Variants in USP6NL observed in about 807,000 individuals in gnomAD.
The protein encoded by USP6NL is USP6 N-terminal-like protein.
A neutral mutation model predicts 61.9 loss-of-function variants in USP6NL; 26 were observed. That is an observed-to-expected ratio of 0.42 (90% CI 0.31 to 0.58). The LOEUF is 0.58. Ranked by LOEUF, USP6NL falls within the 20% of genes least tolerant of loss-of-function variation. The probability of loss-of-function intolerance (pLI) is 0.16; values close to 1 mark genes in which losing one functional copy is unlikely to be tolerated. For synonymous variants in USP6NL, 432 were observed against 390.1 expected (o/e 1.11, Z -1.27); for missense variants, 1,114 against 1,034.3 (o/e 1.08, Z -1.06).
At chr10:11,515,139 C>A (rs759234226) in intron 5 of USP6NL, among the ~76,000 whole-genome samples, 1 of 152,182 alleles carries the variant, frequency 6.6e-6, no homozygotes, top group African/African-American at 2.4e-5. Context: ...TCTGAGACTA[C>A]GTTTTCAACC....
rs146581006 is a variant in USP6NL at position 11,499,514 on chromosome 10, G to T, written c.384+1587C>A. 2.0e-5 allele frequency among the ~76,000 whole-genome samples: 3 copies of T among 152,262 alleles called. No individual in the cohort carries two copies. The highest frequency in any genetic ancestry group is 4.4e-5 in the Non-Finnish European group (3 of 68,014). Reference sequence around the variant, plus strand: ...TGACTGTGACCTCATCTGGAAATGGGGCCTCTGCCGGGGTAATCAAGTTAG... The same window carrying T: ...TGACTGTGACCTCATCTGGAAATGGTGCCTCTGCCGGGGTAATCAAGTTAG... On this transcript the variant is annotated intron_variant, in intron 7 of 14. Transcript: ENST00000609104. This position sits in a 1 kb window ranked among gnomAD's most constrained non-coding sequence, Gnocchi z 4.5.
At chr10:11,492,294 G>A (rs1368314531) in intron 8 of USP6NL, among the ~76,000 whole-genome samples, 1 of 152,190 alleles carries the variant, frequency 6.6e-6, no homozygotes, top group African/African-American at 2.4e-5. Flanking sequence ...GTGTCAACTT[G>A]GCTAAACAAC....
rs189655057 is a variant in USP6NL, at chr10:11,574,101, T to C, written c.4+23530A>G. On this transcript the variant is annotated intron_variant, in intron 2 of 14. Coordinates refer to ENST00000609104, the MANE Select transcript of USP6NL (RefSeq NM_014688.5). The surrounding 1 kb of genome is among the most constrained non-coding windows in gnomAD (Gnocchi z 4.3). ...TTTTCACAGTGCATCACAGATGCTA[T>C]GTGCAAGTTTTTAAGTAGTCAACCA... Among the ~76,000 whole-genome samples, 2 of 152,372 alleles carry C rather than the reference T, an allele frequency of 1.3e-5. No homozygotes were observed. Among genetic ancestry groups the C allele is most frequent in the African/African-American group, 2.4e-5 (1 of 41,594 alleles).
chr10:11,541,383 T>G (rs894552639), intron 2 of USP6NL, among the ~76,000 whole-genome samples: 3 of 150,964 alleles, frequency 2.0e-5, no homozygotes, highest in African/African-American at 7.3e-5. Context: ...TTATGTATAT[T>G]ACCTCATTTA....
chr10:11,611,527 C>CGCGGCGGCG lies in USP6NL; in HGVS notation c.-177_-169dup, dbSNP rs564723504. 24 of 159,326 alleles carry CGCGGCGGCG rather than the reference C, an allele frequency of 1.5e-4. No homozygotes were observed. Among genetic ancestry groups the CGCGGCGGCG allele is most frequent in the Non-Finnish European group, 2.3e-4 (17 of 73,484 alleles). 9.9% of individuals were successfully genotyped at this position (159,326 alleles called of 1,614,324 possible). The stretch of plus-strand genomic sequence containing the variant: ...GCCGAGCAGATCCGGCGCGGCGCGG[C>CGCGGCGGCG]GCGGCGGCGGCGGCGGCTACCGCAG... On this transcript the variant is annotated 5_prime_UTR_variant, in exon 1 of 15. Coordinates refer to ENST00000609104, the MANE Select transcript of USP6NL (RefSeq NM_014688.5). The surrounding 1 kb of genome is among the most constrained non-coding windows in gnomAD (Gnocchi z 5.3).
intron 4 of USP6NL, among the ~76,000 whole-genome samples, chr10:11,523,609 C>A (rs1034334038): frequency 5.9e-5 from 9 of 151,992 alleles, no homozygotes; most frequent in African/African-American, 2.2e-4. Context: ...TGCTAAAAAG[C>A]CAAATACAGC....
At chr10:11,483,473 A>G (rs1452385766) in intron 13 of USP6NL, among the ~76,000 whole-genome samples, 1 of 116,434 alleles carries the variant, frequency 8.6e-6, no homozygotes, top group African/African-American at 3.4e-5. Flanking sequence ...TTAACAATCC[A>G]GAAAGAAAGT....
intron 6 of USP6NL, among the ~76,000 whole-genome samples, chr10:11,501,683 C>T (rs1307616292): frequency 1.3e-5 from 2 of 152,138 alleles, no homozygotes; most frequent in African/African-American, 2.4e-5. Context: ...TCTTTCCTGC[C>T]ACCTTCTCAC....
chr10:11,504,124 A>G (rs1452850638), intron 6 of USP6NL, among the ~76,000 whole-genome samples: 1 of 152,210 alleles, frequency 6.6e-6, no homozygotes, highest in Non-Finnish European at 1.5e-5. Flanking sequence ...ATATAGCAGA[A>G]AAAGAATTAA....
In USP6NL at chr10:11,553,512, TTAATA is replaced by T. The variant is rs1450924214; in HGVS notation, c.5-25950_5-25946del. Among the ~76,000 whole-genome samples the T allele has an allele frequency of 6.6e-6, 1 of 152,218 alleles. No individual in the cohort carries two copies. Among genetic ancestry groups the T allele is most frequent in the African/African-American group, 2.4e-5 (1 of 41,454 alleles). ...ATAAAAGGCTGAAAATCAATGTTCC[TTAATA>T]TATTATGGGAATATATACTTACATC... is the stretch of plus-strand genomic sequence containing the variant. On this transcript the variant is annotated intron_variant, in intron 2 of 14. Coordinates refer to ENST00000609104, the MANE Select transcript of USP6NL (RefSeq NM_014688.5). This position sits in a 1 kb window ranked among gnomAD's most constrained non-coding sequence, Gnocchi z 4.8.
Position 11,463,043 on chromosome 10 carries a change from G to T in USP6NL, c.1885C>A (p.Pro629Thr). Residue 629 changes from proline to threonine, a missense_variant, in exon 15 of 15, where the codon CCC becomes ACC. Pro to Thr is a conservative substitution (Grantham distance 38, BLOSUM62 -1). Transcript: ENST00000609104. The surrounding 1 kb of genome is among the most constrained non-coding windows in gnomAD (Gnocchi z 6.3). ...ACGGGGGGATTGCTGTAGGAGGGGG[G>T]ATGAGCTAGCCCTCGGGCTTCCCCA... ...LDGEARGLAHPPSYSNPPVYH... is the reference protein window; with the variant it reads ...LDGEARGLAHTPSYSNPPVYH... The T allele has an allele frequency of 6.2e-7, 1 of 1,613,966 alleles. No individual in the cohort carries two copies.
intron 7 of USP6NL, among the ~76,000 whole-genome samples, chr10:11,494,456 G>A (rs1213232006): frequency 6.6e-6 from 1 of 152,096 alleles, no homozygotes; most frequent in Non-Finnish European, 1.5e-5. Flanking sequence ...CCATAGGGTC[G>A]GTGAGTTTCT....
chr10:11,505,355 T>C (rs1016009579), intron 6 of USP6NL, among the ~76,000 whole-genome samples: 1 of 152,190 alleles, frequency 6.6e-6, no homozygotes, highest in Non-Finnish European at 1.5e-5. Context: ...CATTGTAATA[T>C]TACTGCATCC....
intron 7 of USP6NL, among the ~76,000 whole-genome samples, chr10:11,494,761 G>A (rs996855873): frequency 6.6e-6 from 1 of 152,110 alleles, no homozygotes; most frequent in African/African-American, 2.4e-5. Flanking sequence ...GACAGCTTAC[G>A]CCATTATTTC....
intron 2 of USP6NL, among the ~76,000 whole-genome samples, chr10:11,578,768 T>A (rs1214545600): frequency 3.9e-5 from 6 of 152,228 alleles, no homozygotes; most frequent in Non-Finnish European, 7.3e-5. Flanking sequence ...AATATCATCC[T>A]TTATAACTAC....
chr10:11,519,813 T>C (rs894971111), intron 4 of USP6NL, among the ~76,000 whole-genome samples: 11 of 152,220 alleles, frequency 7.2e-5, no homozygotes, highest in African/African-American at 2.7e-4. Flanking sequence ...AAAAACCACA[T>C]GCTATCCATA....
Position 11,482,339 on chromosome 10 carries a change from T to C in USP6NL, c.926-417A>G, listed in dbSNP as rs1420682933. ...GTCTGTATTTCTTACTGTTTCAGAA[T>C]TTCCCAGAACATCTGGATTATTAAT... On this transcript the variant is annotated intron_variant, in intron 13 of 14. Coordinates refer to ENST00000609104, the MANE Select transcript of USP6NL (RefSeq NM_014688.5). The surrounding 1 kb of genome is among the most constrained non-coding windows in gnomAD (Gnocchi z 4.0). Among the ~76,000 whole-genome samples, 1 of 152,238 alleles carries C rather than the reference T, an allele frequency of 6.6e-6. No individual in the cohort carries two copies. The highest frequency in any genetic ancestry group is 1.5e-5 in the Non-Finnish European group (1 of 68,038).
intron 2 of USP6NL, chr10:11,573,861 A>G (rs1837447027): frequency 2.6e-6 from 1 of 388,290 alleles, no homozygotes; most frequent in African/African-American, 2.1e-5. Flanking sequence ...CAACGAAAGG[A>G]TAGGCTGTAT....
At chr10:11,555,244 C>T (rs1215316982) in intron 2 of USP6NL, among the ~76,000 whole-genome samples, 4 of 146,920 alleles carry the variant, frequency 2.7e-5, no homozygotes, top group Non-Finnish European at 3.0e-5. Flanking sequence ...GGCAAAACCG[C>T]GTCTCTACTA....
Sources: gnomAD v4.1 joint callset for allele counts (sites outside exome capture counted in the v4.1 genomes callset) on GRCh38, gnomAD v4.1.1 for gene constraint, Gnocchi (gnomAD v3.1) non-coding constraint, MANE v1.5 for transcripts, NCBI Gene and HGNC (gene_info 2026-07-23, HGNC 2026-07-21) for gene names.